The following PCDH15 variants were observed in gnomAD, a reference collection of about 807,000 sequenced individuals.
PCDH15 encodes protocadherin-15.
Under a neutral mutation model 178.5 loss-of-function variants are expected in PCDH15, and 129 were observed. The observed-to-expected ratio is 0.72, with a 90% CI of 0.63 to 0.84. The LOEUF (loss-of-function observed/expected upper bound fraction) is 0.84, where lower values mean the gene tolerates loss of function less well. Ranked by LOEUF, PCDH15 falls within the 40% of genes least tolerant of loss-of-function variation. The pLI is 0.00. For synonymous variants in PCDH15, 800 were observed against 732.0 expected, an observed-to-expected ratio of 1.09 and a Z score of -1.50; for missense variants, 2,230 against 2,099.9, an observed-to-expected ratio of 1.06 and a Z score of -1.21.
intron 3 of PCDH15, among the ~76,000 whole-genome samples, chr10:54,457,596 C>G (rs2076911850): frequency 6.6e-6 from 1 of 151,834 alleles, no homozygotes; most frequent in South Asian, 2.1e-4. Context: ...TATTTTTTTT[C>G]TTCTGGTAAA....
intron 4 of PCDH15, among the ~76,000 whole-genome samples, chr10:54,371,408 G>A (rs2134780734): frequency 6.6e-6 from 1 of 151,750 alleles, no homozygotes; most frequent in Non-Finnish European, 1.5e-5. Context: ...CCATTTTACA[G>A]GTGCATAGAA....
intron 29 of PCDH15, 95 bp from the exon 30 acceptor site, chr10:53,831,628 C>T: frequency 2.3e-6 from 2 of 862,250 alleles, no homozygotes; most frequent in Non-Finnish European, 3.6e-6. Context: ...AATATTTTCT[C>T]TAATTGAAAC....
chr10:54,312,081 G>A (rs2060945958), intron 8 of PCDH15, among the ~76,000 whole-genome samples: 1 of 152,040 alleles, frequency 6.6e-6, no homozygotes, highest in South Asian at 2.1e-4. Flanking sequence ...CAGCAAGTAT[G>A]TAATTAGAGT....
chr10:53,828,746 A>G (rs1291643210), intron 30 of PCDH15, among the ~76,000 whole-genome samples, 173 bp from the exon 31 acceptor site: 1 of 152,194 alleles, frequency 6.6e-6, no homozygotes, highest in East Asian at 1.9e-4. Context: ...AAAGGTGAAA[A>G]TAGTATCGTT....
At chr10:55,307,742 A>G (rs1843469548) in intron 1 of PCDH15, among the ~76,000 whole-genome samples, 1 of 151,928 alleles carries the variant, frequency 6.6e-6, no homozygotes, top group Admixed American at 6.6e-5. Flanking sequence ...CAAAATAATT[A>G]AAATATTTTT....
intron 1 of PCDH15, among the ~76,000 whole-genome samples, chr10:55,265,478 C>T (rs556259208): frequency 1.3e-5 from 2 of 152,122 alleles, no homozygotes; most frequent in South Asian, 2.1e-4. Flanking sequence ...GTACACTCTG[C>T]AAGCAGCAGA....
chr10:54,393,495 A>T (rs1252504860), intron 3 of PCDH15, among the ~76,000 whole-genome samples: 1 of 152,182 alleles, frequency 6.6e-6, no homozygotes, highest in African/African-American at 2.4e-5. Context: ...TATAGAACAC[A>T]AGTATTGGAA....
At chr10:54,182,438 A>G (rs2048073776) in intron 13 of PCDH15, among the ~76,000 whole-genome samples, 1 of 152,132 alleles carries the variant, frequency 6.6e-6, no homozygotes, top group South Asian at 2.1e-4. Flanking sequence ...GGAGTAAGGG[A>G]AAGAAGAAAA....
chr10:54,968,166 C>T lies in PCDH15; in HGVS notation c.-79-70666G>A, dbSNP rs542265944. On this transcript the variant is annotated intron_variant, in intron 2 of 5. Coordinates refer to the PCDH15 transcript ENST00000458638. The stretch of plus-strand genomic sequence containing the variant: ...ATGGTAGACGTATATATGTACATAA[C>T]TGTTCATTAAACTGCTAATCTGTAT... Among the ~76,000 whole-genome samples the T allele has an allele frequency of 1.2e-4, 19 of 152,218 alleles. No homozygotes were observed. The East Asian group carries it at 3.1e-3, about 25-fold the overall frequency.
intron 1 of PCDH15, among the ~76,000 whole-genome samples, chr10:55,207,561 A>G (rs1288850638): frequency 6.6e-6 from 1 of 152,154 alleles, no homozygotes; most frequent in East Asian, 1.9e-4. Flanking sequence ...TCAAATTACT[A>G]AAGTCATTAA....
At chr10:54,774,353 C>T (rs1464488749) in intron 1 of PCDH15, among the ~76,000 whole-genome samples, 1 of 151,988 alleles carries the variant, frequency 6.6e-6, no homozygotes, top group Non-Finnish European at 1.5e-5. Context: ...AAATAATTTA[C>T]TGTAATACTC....
chr10:55,432,742 C>T (rs1215561220), intron 2 of PCDH15, among the ~76,000 whole-genome samples: 1 of 151,434 alleles, frequency 6.6e-6, no homozygotes, highest in African/African-American at 2.4e-5. Flanking sequence ...ACAGAAGTAG[C>T]TGGAAATACA....
intron 1 of PCDH15, among the ~76,000 whole-genome samples, chr10:55,269,731 C>G (rs2132245248): frequency 6.6e-6 from 1 of 152,078 alleles, no homozygotes; most frequent in East Asian, 1.9e-4. Context: ...AGATTCAATG[C>G]TATTCCTATC....
intron 10 of PCDH15, among the ~76,000 whole-genome samples, chr10:54,199,576 T>C (rs910302805): frequency 2.0e-5 from 3 of 146,930 alleles, no homozygotes; most frequent in Admixed American, 6.8e-5. Flanking sequence ...ACAACAATAA[T>C]AATAATAATA....
At chr10:54,891,970 G>T (rs1954469554) in intron 3 of PCDH15, among the ~76,000 whole-genome samples, 1 of 152,052 alleles carries the variant, frequency 6.6e-6, no homozygotes, top group South Asian at 2.1e-4. Flanking sequence ...TCATATCAAA[G>T]AATAAAGGAG....
intron 4 of PCDH15, among the ~76,000 whole-genome samples, chr10:54,371,124 G>A (rs1947599164): frequency 6.6e-6 from 1 of 151,532 alleles, no homozygotes; most frequent in Admixed American, 6.6e-5. Flanking sequence ...CAAAAGACAT[G>A]GTTCAAAGTC....
intron 2 of PCDH15, among the ~76,000 whole-genome samples, chr10:55,093,748 T>A (rs2132038075): frequency 6.6e-6 from 1 of 152,222 alleles, no homozygotes; most frequent in Admixed American, 6.5e-5. Context: ...AATAGACAGT[T>A]CTCAAAAGAA....
At chr10:54,885,619 A>G (rs1224393170) in intron 3 of PCDH15, among the ~76,000 whole-genome samples, 2 of 152,152 alleles carry the variant, frequency 1.3e-5, no homozygotes, top group African/African-American at 2.4e-5. Flanking sequence ...CAATATGAAA[A>G]TAACATAATT....
intron 1 of PCDH15, among the ~76,000 whole-genome samples, chr10:54,688,013 A>G (rs2095046045): frequency 6.6e-6 from 1 of 152,132 alleles, no homozygotes; most frequent in Non-Finnish European, 1.5e-5. Flanking sequence ...GGTTAAGAGG[A>G]TAGGTCTCAC....
Sources: allele counts gnomAD v4.1 joint callset (sites outside exome capture counted in the v4.1 genomes callset), GRCh38; gene constraint gnomAD v4.1.1; transcripts MANE v1.5; gene names NCBI Gene and HGNC (gene_info 2026-07-23, HGNC 2026-07-21).